Variants in ZNF775 observed in about 807,000 individuals in gnomAD.
ZNF775 encodes zinc finger protein 775.
A neutral mutation model predicts 2.4 loss-of-function variants in ZNF775; 1 was observed. That is an observed-to-expected ratio of 0.41 (90% CI 0.15 to 1.94). ZNF775 has a LOEUF of 1.94. Ranked by LOEUF, ZNF775 falls within the 30% of genes most tolerant of loss-of-function variation. The probability of loss-of-function intolerance (pLI) is 0.30; values close to 1 mark genes in which losing one functional copy is unlikely to be tolerated. For synonymous variants in ZNF775, 381 were observed against 373.3 expected (o/e 1.02, Z -0.24); for missense variants, 823 against 826.6 (o/e 1.00, Z 0.05).
At chr7:150,389,775 A>G (rs998539372) in intron 2 of ZNF775, among the ~76,000 whole-genome samples, 1 of 152,228 alleles carries the variant, frequency 6.6e-6, no homozygotes, top group South Asian at 2.1e-4. Flanking sequence ...GCCTCTGGCC[A>G]GACTGAGGGA....
chr7:150,383,459 G>C (rs905971513), intron 1 of ZNF775, among the ~76,000 whole-genome samples: 6 of 152,234 alleles, frequency 3.9e-5, no homozygotes, highest in African/African-American at 1.4e-4. Context: ...CACAGGGAGA[G>C]AGGACTGGGT....
In ZNF775 at chr7:150,397,063, C is replaced by T. The variant is rs746365329; in HGVS notation, c.582C>T (p.Pro194=). ...THSRPATHSC[P]ECERCFRHQV... ...CCCGGCCCGCCACCCACTCGTGCCC[C>T]GAGTGCGAGCGCTGCTTCCGTCACC... The change falls in exon 3 of 3, where the codon CCC becomes CCT. Residue 194 remains proline (P), a synonymous_variant. Transcript: ENST00000329630. 11 of 1,590,770 alleles carry T rather than the reference C, an allele frequency of 6.9e-6. No individual in the cohort carries two copies. The highest frequency in any genetic ancestry group is 6.8e-5 in the East Asian group (3 of 44,414).
Position 150,397,195 on chromosome 7 carries a change from C to T in ZNF775, c.714C>T (p.Arg238=). 5 of 1,158,098 alleles carry T rather than the reference C, an allele frequency of 4.3e-6. No individual in the cohort carries two copies. Among genetic ancestry groups the T allele is most frequent in the Non-Finnish European group, 5.3e-6 (5 of 941,854 alleles). The allele number at this position is 1,158,098 out of a possible 1,614,324, so 71.7% of individuals were successfully genotyped here. A position where few individuals can be genotyped will look rare whatever the true frequency, so the allele number is the denominator to read the frequency against. The change falls in exon 3 of 3, where the codon CGC becomes CGT. Residue 238 remains arginine, a synonymous_variant. Transcript: ENST00000329630. The part of the protein sequence containing the change: ...IQDAAARRAC[R]LQPGPPRGRP... ...ACGCGGCGGCGCGCCGGGCCTGTCG[C>T]CTGCAGCCGGGGCCGCCGCGGGGGC...
At chr7:150,390,848 C>A (rs1800548012) in intron 2 of ZNF775, among the ~76,000 whole-genome samples, 1 of 152,226 alleles carries the variant, frequency 6.6e-6, no homozygotes, top group African/African-American at 2.4e-5. Context: ...GCTCTCCACA[C>A]TTCTAATTTT....
intron 1 of ZNF775, among the ~76,000 whole-genome samples, chr7:150,381,821 G>A (rs533208614): frequency 7.2e-4 from 110 of 152,184 alleles, no homozygotes; most frequent in African/African-American, 2.4e-3. Context: ...TGAGGACTGG[G>A]GTGTTTGGGA....
chr7:150,380,374 T>G (rs180736965), intron 1 of ZNF775, among the ~76,000 whole-genome samples: 5 of 152,290 alleles, frequency 3.3e-5, no homozygotes, highest in Admixed American at 3.3e-4. Context: ...GACCCTGTGT[T>G]AAGATGCATG....
Position 150,398,319 on chromosome 7 carries a change from C to T in ZNF775, c.*224C>T, listed in dbSNP as rs1800722160. The T allele has an allele frequency of 5.5e-6, 4 of 730,706 alleles. No individual in the cohort carries two copies. Among genetic ancestry groups the T allele is most frequent in the East Asian group, 2.9e-5 (1 of 34,018 alleles). The allele number at this position is 730,706 out of a possible 1,614,324, so 45.3% of individuals were successfully genotyped here. A position where few individuals can be genotyped will look rare whatever the true frequency, so the allele number is the denominator to read the frequency against. On this transcript the variant is annotated 3_prime_UTR_variant, in exon 3 of 3. Transcript: ENST00000329630. ...AGGAGGGAAGATCCGAGTTCCTCACCGCGGGCCGGGATGTGACCACCCTCT... is the reference window on the plus strand; with the variant it reads ...AGGAGGGAAGATCCGAGTTCCTCACTGCGGGCCGGGATGTGACCACCCTCT...
chr7:150,381,228 G>A (rs867439231), intron 1 of ZNF775, among the ~76,000 whole-genome samples: 5 of 152,146 alleles, frequency 3.3e-5, no homozygotes, highest in South Asian at 2.1e-4. Context: ...TCCAGCAAGC[G>A]TGTTTACCTC....
At position 150,397,094 on chromosome 7, in the gene ZNF775, G is replaced by C. The variant is rs1563260755; in HGVS notation, c.613G>C (p.Gly205Arg). 6.4e-7 allele frequency: 1 copy of C among 1,565,440 alleles called. No individual in the cohort carries two copies. The highest frequency in any genetic ancestry group is 8.6e-7 in the Non-Finnish European group (1 of 1,163,878). Reference protein sequence around the residue: ...ECERCFRHQVGLRIHQRAHAR... With the variant: ...ECERCFRHQVRLRIHQRAHAR... ...CGAGCGCTGCTTCCGTCACCAGGTG[G>C]GCCTCCGCATCCACCAGCGCGCGCA... The change falls in exon 3 of 3, where the codon GGC becomes CGC. Residue 205 changes from glycine (G) to arginine (R), a missense_variant. Gly to Arg is a moderately radical substitution (Grantham distance 125, BLOSUM62 -2). Transcript: ENST00000329630.
rs1800529651 is a variant in ZNF775 at position 150,389,904 on chromosome 7, T to TTA, written c.31+1403_31+1404insTA. 1.4e-3 allele frequency among the ~76,000 whole-genome samples: 94 copies of TTA among 68,252 alleles called. 3 individuals carry two copies. In the South Asian group the frequency reaches 0.034, roughly 25 times the overall value. 44.8% of individuals were successfully genotyped at this position (68,252 alleles called of 152,430 possible). A position where few individuals can be genotyped will look rare whatever the true frequency, so the allele number is the denominator to read the frequency against. On this transcript the variant is annotated intron_variant, in intron 2 of 2. Coordinates refer to ENST00000329630, the MANE Select transcript of ZNF775 (RefSeq NM_173680.4). ...GTGTGTGTGTGTGTGTGTGTGTGTGTGTGTGTGTGTGTGTGTTATGGCAAA... is the reference window on the plus strand; with the variant it reads ...GTGTGTGTGTGTGTGTGTGTGTGTGTTAGTGTGTGTGTGTGTGTTATGGCAAA...
chr7:150,396,166 G>A (rs1449188227), intron 2 of ZNF775, among the ~76,000 whole-genome samples: 2 of 152,058 alleles, frequency 1.3e-5, no homozygotes, highest in African/African-American at 4.8e-5. Context: ...GCATCTCCTC[G>A]GCCTCAGGGT....
At chr7:150,386,135 C>T (rs1394297947) in intron 1 of ZNF775, among the ~76,000 whole-genome samples, 2 of 152,148 alleles carry the variant, frequency 1.3e-5, no homozygotes, top group African/African-American at 4.8e-5. Flanking sequence ...GGGGTTTCCC[C>T]ACGTCGGCCA....
chr7:150,387,131 C>T (rs1189654946), intron 1 of ZNF775, among the ~76,000 whole-genome samples: 1 of 151,874 alleles, frequency 6.6e-6, no homozygotes, highest in Non-Finnish European at 1.5e-5. Flanking sequence ...CCTGTCTCTA[C>T]TAAAAATACA....
At position 150,395,461 on chromosome 7, in the gene ZNF775, G is replaced by A. The variant is rs147436958; in HGVS notation, c.32-1052G>A. Reference sequence around the variant, plus strand: ...GAAAGGTGCATGGATCACAAGCTCTGTAAATTCTTATAAAGCAAACATTCC... The same window carrying A: ...GAAAGGTGCATGGATCACAAGCTCTATAAATTCTTATAAAGCAAACATTCC... On this transcript the variant is annotated intron_variant, in intron 2 of 2. Coordinates refer to ENST00000329630, the MANE Select transcript of ZNF775 (RefSeq NM_173680.4). 3.9e-3 allele frequency among the ~76,000 whole-genome samples: 596 copies of A among 152,232 alleles called. 5 individuals are homozygous for A. Among genetic ancestry groups the A allele is most frequent in the African/African-American group, 0.014 (561 of 41,502 alleles).
chr7:150,388,504 AAG>A lies in ZNF775; in HGVS notation c.31+9_31+10del. The A allele has an allele frequency of 1.9e-6, 3 of 1,551,770 alleles. No homozygotes were observed. Among genetic ancestry groups the A allele is most frequent in the African/African-American group, 1.4e-5 (1 of 73,154 alleles). ...TGGCCTGGCTGGCAACGGCACAGGT[AAG>A]AGAGAAGAAAGAGGAGGCAGGGGAG... On this transcript the variant is annotated splice_donor_5th_base_variant and intron_variant, in intron 2 of 2. Transcript: ENST00000329630.
intron 2 of ZNF775, among the ~76,000 whole-genome samples, chr7:150,389,423 C>T (rs1335543163): frequency 2.0e-5 from 3 of 152,220 alleles, no homozygotes; most frequent in African/African-American, 7.2e-5. Flanking sequence ...AACATGGCAG[C>T]GTGGTGTGTG....
chr7:150,397,342 C>T lies in ZNF775; in HGVS notation c.861C>T (p.Gly287=), dbSNP rs747547600. ...GCCAGTTCATCTGCAACGAGTGTGGCAAGAGCTTCACCTGGTGGTCGTCGC... is the reference window on the plus strand; with the variant it reads ...GCCAGTTCATCTGCAACGAGTGTGGTAAGAGCTTCACCTGGTGGTCGTCGC... ...EPRQFICNEC[G]KSFTWWSSLN... is the part of the protein sequence containing the mutation. The change falls in exon 3 of 3, where the codon GGC becomes GGT. Residue 287 remains glycine (G), a synonymous_variant. Coordinates refer to ENST00000329630, the MANE Select transcript of ZNF775 (RefSeq NM_173680.4). 6 of 1,594,064 alleles carry T rather than the reference C, an allele frequency of 3.8e-6. No homozygotes were observed. In the East Asian group the frequency reaches 1.1e-4, roughly 30 times the overall value.
At chr7:150,390,781 T>A (rs1800547138) in intron 2 of ZNF775, among the ~76,000 whole-genome samples, 1 of 152,234 alleles carries the variant, frequency 6.6e-6, no homozygotes, top group African/African-American at 2.4e-5. Flanking sequence ...CACTCGTATG[T>A]CAGTATTTCT....
At chr7:150,383,489 A>G (rs963055775) in intron 1 of ZNF775, among the ~76,000 whole-genome samples, 2 of 152,146 alleles carry the variant, frequency 1.3e-5, no homozygotes, top group African/African-American at 4.8e-5. Context: ...GCAGTCAGGT[A>G]TGGGCTGCAG....
Sources: allele counts gnomAD v4.1 joint callset (sites outside exome capture counted in the v4.1 genomes callset), GRCh38; gene constraint gnomAD v4.1.1; transcripts MANE v1.5; gene names NCBI Gene and HGNC (gene_info 2026-07-23, HGNC 2026-07-21).